EIF4G3: variants seen among roughly 807,000 people sequenced by gnomAD.
The protein encoded by EIF4G3 is eIF-4-gamma 3.
Under a neutral mutation model 186.4 loss-of-function variants are expected in EIF4G3, and 34 were observed. The ratio of observed to expected loss-of-function variants is 0.18; its 90% CI spans 0.14 to 0.24. The LOEUF (loss-of-function observed/expected upper bound fraction) is 0.24, where lower values mean the gene tolerates loss of function less well. Among genes scored for constraint, EIF4G3 ranks in the 10% least tolerant of loss-of-function variants. EIF4G3 has a pLI of 1.00. For missense variants in EIF4G3, 1,536 were observed against 1,948.5 expected (o/e 0.79, Z 3.99); for synonymous variants, 673 against 679.5 (o/e 0.99, Z 0.15).
intron 11 of EIF4G3, among the ~76,000 whole-genome samples, chr1:20,972,065 G>A (rs924601298): frequency 2.0e-5 from 3 of 152,072 alleles, no homozygotes; most frequent in African/African-American, 7.2e-5. Flanking sequence ...GTTCTGTTGC[G>A]TAAGGAATTG....
intron 3 of EIF4G3, among the ~76,000 whole-genome samples, chr1:21,087,011 T>A (rs1251172917): frequency 6.6e-6 from 1 of 151,480 alleles, no homozygotes; most frequent in Non-Finnish European, 1.5e-5. Context: ...ATGTAAACAC[T>A]ATGTATATGT....
At chr1:20,954,207 AGTAT>A (rs1490259919) in intron 12 of EIF4G3, among the ~76,000 whole-genome samples, 1 of 152,216 alleles carries the variant, frequency 6.6e-6, no homozygotes, top group African/African-American at 2.4e-5. Flanking sequence ...TGGATAAACA[AGTAT>A]AGCCTCCACT....
At chr1:20,965,732 T>C (rs1167207906) in intron 12 of EIF4G3, among the ~76,000 whole-genome samples, 1 of 73,740 alleles carries the variant, frequency 1.4e-5, no homozygotes, top group Non-Finnish European at 3.7e-5. Context: ...CTTCCAGTCA[T>C]TCTCTGTGCC....
intron 3 of EIF4G3, among the ~76,000 whole-genome samples, chr1:21,082,972 A>G (rs1171954672): frequency 7.2e-6 from 1 of 138,868 alleles, no homozygotes; most frequent in Non-Finnish European, 1.5e-5. Flanking sequence ...TGGGAGGGGG[A>G]GCTTGCAGTG....
Position 20,893,589 on chromosome 1 carries a change from C to A in EIF4G3, c.2181G>T (p.Leu727Phe). 6.3e-7 allele frequency: 1 copy of A among 1,591,172 alleles called. No homozygotes were observed. Among genetic ancestry groups the A allele is most frequent in the South Asian group, 1.1e-5 (1 of 89,122 alleles). Residue 727 changes from leucine to phenylalanine, a missense_variant, in exon 18 of 37, where the codon TTG becomes TTT. This residue lies in a region of EIF4G3 where 139 missense variants were observed against 192.8 expected (regional missense o/e 0.72). Coordinates refer to ENST00000602326, the MANE Select transcript of EIF4G3 (RefSeq NM_001391906.1). Reference sequence around the variant, plus strand: ...CTGGTGTAAAGTCTGGTCCTCGAGGCAAAATTCGAGGATCCAGAGTTCGCA... The same window carrying A: ...CTGGTGTAAAGTCTGGTCCTCGAGGAAAAATTCGAGGATCCAGAGTTCGCA... ...LPMRTLDPRILPRGPDFTPAF... is the reference protein window; with the variant it reads ...LPMRTLDPRIFPRGPDFTPAF...
chr1:20,952,806 C>T (rs1301461549), intron 12 of EIF4G3, among the ~76,000 whole-genome samples: 1 of 152,066 alleles, frequency 6.6e-6, no homozygotes, highest in African/African-American at 2.4e-5. Flanking sequence ...GCCGAGGTCG[C>T]GCCACTGCAC....
chr1:21,134,437 G>A (rs2097203565), intron 2 of EIF4G3, among the ~76,000 whole-genome samples: 1 of 152,186 alleles, frequency 6.6e-6, no homozygotes, highest in Non-Finnish European at 1.5e-5. Context: ...GGAGGGCCAA[G>A]GCAGGAGGAT....
chr1:20,990,451 G>A (rs1215875545), intron 7 of EIF4G3, among the ~76,000 whole-genome samples: 2 of 152,130 alleles, frequency 1.3e-5, no homozygotes, highest in Non-Finnish European at 2.9e-5. Context: ...GAGGTGGGCG[G>A]ATCACGAGGT....
At chr1:21,112,027 A>G (rs1291709802) in intron 2 of EIF4G3, among the ~76,000 whole-genome samples, 4 of 152,220 alleles carry the variant, frequency 2.6e-5, no homozygotes, top group Non-Finnish European at 5.9e-5. Flanking sequence ...CATGCCAGCT[A>G]TGAAGGAAAA....
At chr1:21,047,229 A>C (rs1165304641) in intron 4 of EIF4G3, among the ~76,000 whole-genome samples, 1 of 152,184 alleles carries the variant, frequency 6.6e-6, no homozygotes, top group Non-Finnish European at 1.5e-5. Flanking sequence ...GGGCACAGAG[A>C]TATGACTAAG....
chr1:20,941,439 C>T (rs1341326545), intron 14 of EIF4G3, 52 bp downstream of exon 14: 9 of 1,608,892 alleles, frequency 5.6e-6, no homozygotes, highest in Non-Finnish European at 7.6e-6. Flanking sequence ...AACTCAAACA[C>T]TGCCTCTTCT....
intron 4 of EIF4G3, among the ~76,000 whole-genome samples, chr1:21,015,773 C>T (rs1341180740): frequency 1.1e-5 from 1 of 93,452 alleles, no homozygotes; most frequent in Non-Finnish European, 2.3e-5. Context: ...AAAAAAAAAA[C>T]CCTATCACAT....
At chr1:20,947,163 A>G (rs1473922674) in intron 13 of EIF4G3, among the ~76,000 whole-genome samples, 1 of 152,032 alleles carries the variant, frequency 6.6e-6, no homozygotes, top group Non-Finnish European at 1.5e-5. Flanking sequence ...CCTACACAAC[A>G]TGGCAAAACC....
At chr1:20,962,468 T>C (rs1209259457) in intron 12 of EIF4G3, among the ~76,000 whole-genome samples, 1 of 152,182 alleles carries the variant, frequency 6.6e-6, no homozygotes, top group African/African-American at 2.4e-5. Context: ...CTGTCTAAAA[T>C]GGTGGTCAAC....
At chr1:20,928,730 T>C (rs968736799) in intron 14 of EIF4G3, among the ~76,000 whole-genome samples, 2 of 152,308 alleles carry the variant, frequency 1.3e-5, no homozygotes, top group African/African-American at 4.8e-5. Context: ...TAATATTTGT[T>C]GACATATAAT....
At chr1:20,981,254 T>G (rs532269437) in intron 8 of EIF4G3, 27 bp from the exon 9 acceptor site, 1 of 1,519,110 alleles carries the variant, frequency 6.6e-7, no homozygotes, top group East Asian at 2.3e-5. Flanking sequence ...AAAAAAATTT[T>G]TTTTTTTTTT....
In EIF4G3 at chr1:20,962,774, T is replaced by C. The variant is rs578027052; in HGVS notation, c.714+6700A>G. ...TCTGGAGATGATTAGTGTCACAGGG[T>C]ATTTTAAGCGGATACTCTCAACCCT... On this transcript the variant is annotated intron_variant, in intron 12 of 36. Transcript: ENST00000602326. 4.6e-5 allele frequency among the ~76,000 whole-genome samples: 7 copies of C among 152,264 alleles called. No homozygotes were observed. The East Asian group carries it at 1.3e-3, about 29-fold the overall frequency.
intron 17 of EIF4G3, 84 bp downstream of exon 17, chr1:20,895,284 C>A: frequency 6.9e-7 from 1 of 1,439,060 alleles, no homozygotes; most frequent in Non-Finnish European, 9.4e-7. Flanking sequence ...TTACTAAAAA[C>A]TGCTCATACT....
chr1:20,943,970 T>TGTGTGTG (rs2095822521), intron 13 of EIF4G3, among the ~76,000 whole-genome samples: 2 of 80,388 alleles, frequency 2.5e-5, no homozygotes, highest in African/African-American at 5.9e-5. Context: ...TGTCTTTATT[T>TGTGTGTG]TTTTTGTGTG....
Sources: allele counts gnomAD v4.1 joint callset (sites outside exome capture counted in the v4.1 genomes callset), GRCh38; gene constraint gnomAD v4.1.1; regional missense constraint gnomAD v4.1.1; transcripts MANE v1.5; gene names NCBI Gene and HGNC (gene_info 2026-07-23, HGNC 2026-07-21).